CHMP2B: variants seen among roughly 807,000 people sequenced by gnomAD.
CHMP2B encodes the protein charged multivesicular body protein 2B.
In CHMP2B, 22 loss-of-function variants were observed where a neutral mutation model predicts 29.8. The ratio of observed to expected loss-of-function variants is 0.74; its 90% confidence interval spans 0.53 to 1.05. CHMP2B has a LOEUF of 1.05. Ranked by LOEUF, CHMP2B falls within the 50% of genes least tolerant of loss-of-function variation. The pLI is 0.00. For missense variants in CHMP2B, 261 were observed against 252.2 expected, an observed-to-expected ratio of 1.03 and a Z score of -0.24; for synonymous variants, 78 against 75.8, an observed-to-expected ratio of 1.03 and a Z score of -0.15.
At chr3:87,239,578 A>G (rs1259420076) in intron 1 of CHMP2B, among the ~76,000 whole-genome samples, 2 of 152,160 alleles carry the variant, frequency 1.3e-5, no homozygotes, top group African/African-American at 2.4e-5. Context: ...AAAGTAGTTA[A>G]GATCACTGGT....
In CHMP2B at chr3:87,240,794, A is replaced by G. The variant is rs369912013; in HGVS notation, c.126+4A>G. 6.2e-6 allele frequency: 10 copies of G among 1,606,408 alleles called. No individual in the cohort carries two copies. Among genetic ancestry groups the G allele is most frequent in the Middle Eastern group, 1.6e-4 (1 of 6,066 alleles). ...AGAGAAACAAGAAAAACAGCTGGTA[A>G]GTAGAACGTTAAATTTCAGTTTAAC... On this transcript the variant is annotated splice_donor_region_variant and intron_variant, in intron 2 of 5. Coordinates refer to ENST00000263780, the MANE Select transcript of CHMP2B (RefSeq NM_014043.4).
intron 3 of CHMP2B, among the ~76,000 whole-genome samples, chr3:87,246,412 C>G (rs1382262114): frequency 1.3e-5 from 2 of 152,158 alleles, no homozygotes; most frequent in Non-Finnish European, 2.9e-5. Flanking sequence ...GCTGGGATTA[C>G]AGACATGAGC....
intron 2 of CHMP2B, 28 bp from the exon 3 acceptor site, chr3:87,245,685 TA>T: frequency 1.3e-6 from 2 of 1,577,018 alleles, no homozygotes; most frequent in Non-Finnish European, 1.7e-6. Flanking sequence ...TTAATAATTT[TA>T]TTTTCTTTTG....
rs1706332344 is a variant in CHMP2B, at chr3:87,252,494, A to C, written c.425-910A>C. Among the ~76,000 whole-genome samples the C allele has an allele frequency of 2.6e-5, 4 of 151,532 alleles. No homozygotes were observed. In the South Asian group the frequency reaches 8.3e-4, roughly 32 times the overall value. On this transcript the variant is annotated intron_variant, in intron 4 of 5. Transcript: ENST00000263780. ...ACAGTGACTTTGCCCAGGCCATTCCATTTATGTATCTCTGTGTGGTTAAAC... is the reference window on the plus strand; with the variant it reads ...ACAGTGACTTTGCCCAGGCCATTCCCTTTATGTATCTCTGTGTGGTTAAAC...
At chr3:87,241,505 T>C (rs895530622) in intron 2 of CHMP2B, among the ~76,000 whole-genome samples, 1 of 152,182 alleles carries the variant, frequency 6.6e-6, no homozygotes, top group Non-Finnish European at 1.5e-5. Context: ...AATACTGATC[T>C]GTCTCTGTAG....
intron 1 of CHMP2B, among the ~76,000 whole-genome samples, chr3:87,240,060 T>C (rs1057185861): frequency 2.7e-5 from 4 of 150,574 alleles, no homozygotes; most frequent in African/African-American, 9.7e-5. Flanking sequence ...ATGAAAAGGG[T>C]GTGTGTGTGT....
At chr3:87,253,542 A>C in intron 5 of CHMP2B, 32 bp downstream of exon 5, 1 of 1,452,482 alleles carries the variant, frequency 6.9e-7, no homozygotes, top group South Asian at 1.1e-5. Flanking sequence ...AGTTGGAAAT[A>C]GTTTCTGCCT....
chr3:87,253,189 AT>A, intron 4 of CHMP2B: 1 of 482,082 alleles, frequency 2.1e-6, no homozygotes, highest in South Asian at 2.3e-5. Context: ...TTGCTATAAG[AT>A]AATTTGTGTT....
chr3:87,251,458 T>C (rs1437869095), intron 4 of CHMP2B, among the ~76,000 whole-genome samples: 1 of 152,026 alleles, frequency 6.6e-6, no homozygotes, highest in Non-Finnish European at 1.5e-5. Flanking sequence ...CCTTACTTAA[T>C]CAGATATCTA....
At chr3:87,240,482 C>A (rs953172934) in intron 1 of CHMP2B, 2 of 411,090 alleles carry the variant, frequency 4.9e-6, no homozygotes, top group African/African-American at 4.1e-5. Flanking sequence ...GGCTAATTTT[C>A]TATTTTTAGT....
intron 4 of CHMP2B, among the ~76,000 whole-genome samples, chr3:87,250,192 T>A (rs1706289463): frequency 6.6e-6 from 1 of 151,966 alleles, no homozygotes. Context: ...ACTTTACTGA[T>A]TAGTATACCA....
At chr3:87,231,935 T>G (rs1705915713) in intron 1 of CHMP2B, among the ~76,000 whole-genome samples, 1 of 152,156 alleles carries the variant, frequency 6.6e-6, no homozygotes, top group Non-Finnish European at 1.5e-5. Context: ...TGGATAATGC[T>G]TATTCTGTCT....
At chr3:87,250,047 C>A in intron 4 of CHMP2B, 70 bp downstream of exon 4, 1 of 874,534 alleles carries the variant, frequency 1.1e-6, no homozygotes, top group Non-Finnish European at 1.8e-6. Context: ...TTTACTATGT[C>A]TCATATTCTC....
Position 87,254,141 on chromosome 3 carries a change from G to A in CHMP2B, c.*319G>A. 1 of 248,498 alleles carries A rather than the reference G, an allele frequency of 4.0e-6. No individual in the cohort carries two copies. Among genetic ancestry groups the A allele is most frequent in the Non-Finnish European group, 8.0e-6 (1 of 125,568 alleles). The allele number at this position is 248,498 out of a possible 1,614,324, so 15.4% of individuals were successfully genotyped here. ...GTTTATGTTCTAAATCTTTTTCACT[G>A]AATATAAAAATCTTGTTAAATGCCA... On this transcript the variant is annotated 3_prime_UTR_variant, in exon 6 of 6. Transcript: ENST00000263780.
intron 1 of CHMP2B, 28 bp from the exon 2 acceptor site, chr3:87,240,671 A>T (rs752352410): frequency 6.8e-7 from 1 of 1,470,156 alleles, no homozygotes; most frequent in South Asian, 1.1e-5. Context: ...CAACCCATAA[A>T]TTTAGGTTTC....
In CHMP2B at chr3:87,255,323, G is replaced by T. The variant is rs191118931; in HGVS notation, c.*1501G>T. ...ACACAGTTTCTCTTAACAGTGATGGGTGAAAACATTTTACCGGATTATGGA... is the reference window on the plus strand; with the variant it reads ...ACACAGTTTCTCTTAACAGTGATGGTTGAAAACATTTTACCGGATTATGGA... On this transcript the variant is annotated 3_prime_UTR_variant, in exon 6 of 6. Coordinates refer to ENST00000263780, the MANE Select transcript of CHMP2B (RefSeq NM_014043.4). 3 of 152,528 alleles carry T rather than the reference G, an allele frequency of 2.0e-5. No homozygotes were observed. Among genetic ancestry groups the T allele is most frequent in the African/African-American group, 7.2e-5 (3 of 41,542 alleles). The allele number at this position is 152,528 out of a possible 1,614,324, so 9.4% of individuals were successfully genotyped here.
chr3:87,233,534 C>G (rs575178676), intron 1 of CHMP2B, among the ~76,000 whole-genome samples: 5 of 152,190 alleles, frequency 3.3e-5, no homozygotes, highest in Non-Finnish European at 7.4e-5. Context: ...TTGGCAAGCT[C>G]CATCATGCCT....
intron 1 of CHMP2B, among the ~76,000 whole-genome samples, chr3:87,229,035 GA>G (rs1234526733): frequency 1.3e-5 from 2 of 151,722 alleles, no homozygotes; most frequent in Non-Finnish European, 2.9e-5. Context: ...ACTAAATGGA[GA>G]AAAAATGGTT....
intron 2 of CHMP2B, among the ~76,000 whole-genome samples, chr3:87,242,147 TCTTA>T (rs1213930053): frequency 6.6e-6 from 1 of 152,140 alleles, no homozygotes; most frequent in Non-Finnish European, 1.5e-5. Context: ...CAAATTGTTT[TCTTA>T]CTTAGTTACA....
Sources: gnomAD v4.1 joint callset for allele counts (sites outside exome capture counted in the v4.1 genomes callset) on GRCh38, gnomAD v4.1.1 for gene constraint, MANE v1.5 for transcripts, NCBI Gene and HGNC (gene_info 2026-07-23, HGNC 2026-07-21) for gene names.